Variants in PSMC6 observed in about 807,000 individuals in gnomAD.
PSMC6 encodes 26S proteasome regulatory subunit 10B.
PSMC6 carries 3 observed loss-of-function variants against 55.9 expected under a neutral mutation model. That is an observed-to-expected ratio of 0.05 (90% confidence interval 0.02 to 0.14). The LOEUF is 0.14. PSMC6 is among the 10% of genes least tolerant of loss of function. The pLI is 1.00. For synonymous variants in PSMC6, 137 were observed against 155.9 expected, an observed-to-expected ratio of 0.88 and a Z score of 0.90; for missense variants, 210 against 478.7, an observed-to-expected ratio of 0.44 and a Z score of 5.24.
chr14:52,727,231 G>A (rs10140532), intron 13 of PSMC6, among the ~76,000 whole-genome samples: 5,164 of 149,032 alleles, frequency 0.035, 304 homozygotes, highest in African/African-American at 0.12. Flanking sequence ...GGGTTTCACC[G>A]TGTTGGCCAG....
intron 1 of PSMC6, among the ~76,000 whole-genome samples, chr14:52,708,084 T>G (rs1039458866): frequency 2.0e-5 from 3 of 152,192 alleles, no homozygotes; most frequent in Non-Finnish European, 2.9e-5. Context: ...AAACAAGTAT[T>G]GCCGATCAAC....
intron 7 of PSMC6, 50 bp downstream of exon 7, chr14:52,714,018 A>G: frequency 8.6e-7 from 1 of 1,164,908 alleles, no homozygotes; most frequent in South Asian, 1.4e-5. Flanking sequence ...TGAATTAAGG[A>G]ATTAAAAAAA....
At chr14:52,712,178 A>G (rs1395636884) in intron 6 of PSMC6, among the ~76,000 whole-genome samples, 1 of 152,190 alleles carries the variant, frequency 6.6e-6, no homozygotes, top group Non-Finnish European at 1.5e-5. Flanking sequence ...ACACAATCTG[A>G]TTTAAGCTTT....
chr14:52,725,425 G>A lies in PSMC6; in HGVS notation c.1051+1389G>A, dbSNP rs117685363. ...TTTTTATCTTCTTTTTAGACTTGAA[G>A]GCTTTTTTGTTAACATTTTTCGTAA... On this transcript the variant is annotated intron_variant, in intron 13 of 13. Transcript: ENST00000445930. Among the ~76,000 whole-genome samples the A allele has an allele frequency of 8.2e-3, 1,245 of 152,248 alleles. 8 individuals are homozygous for A. Among genetic ancestry groups the A allele is most frequent in the Non-Finnish European group, 0.012 (846 of 68,012 alleles).
At chr14:52,726,241 C>A (rs1224092602) in intron 13 of PSMC6, among the ~76,000 whole-genome samples, 1 of 152,162 alleles carries the variant, frequency 6.6e-6, no homozygotes, top group East Asian at 1.9e-4. Context: ...GAAACTTTTA[C>A]CCCTTTGTCA....
chr14:52,713,487 T>C (rs971377898), intron 6 of PSMC6, among the ~76,000 whole-genome samples: 2 of 152,212 alleles, frequency 1.3e-5, no homozygotes, highest in African/African-American at 2.4e-5. Context: ...TATAGATCTT[T>C]TGAGTTGTGT....
intron 8 of PSMC6, 34 bp downstream of exon 8, chr14:52,718,176 T>G: frequency 6.2e-7 from 1 of 1,610,452 alleles, no homozygotes; most frequent in Non-Finnish European, 8.5e-7. Flanking sequence ...TTATTGAAAT[T>G]TAATTTTACT....
intron 5 of PSMC6, 116 bp from the exon 6 acceptor site, chr14:52,711,294 G>A (rs2041769519): frequency 1.6e-6 from 2 of 1,272,566 alleles, no homozygotes; most frequent in Non-Finnish European, 2.2e-6. Context: ...TTCTAATTAA[G>A]CACATCTTTA....
chr14:52,712,620 C>G (rs1271401118), intron 6 of PSMC6, among the ~76,000 whole-genome samples: 2 of 151,828 alleles, frequency 1.3e-5, no homozygotes, highest in Admixed American at 1.3e-4. Flanking sequence ...CACATATGGA[C>G]ACAACTTTTT....
chr14:52,710,995 C>T, intron 4 of PSMC6, 106 bp from the exon 5 acceptor site: 3 of 878,540 alleles, frequency 3.4e-6, no homozygotes, highest in South Asian at 1.4e-5. Context: ...TTTGTGTTCT[C>T]TCTGGAGGGT....
intron 4 of PSMC6, chr14:52,709,933 T>C (rs190522972): frequency 2.2e-3 from 353 of 162,306 alleles, no homozygotes; most frequent in Non-Finnish European, 3.8e-3. Flanking sequence ...GATGTAAACA[T>C]TGAAATAGCT....
At chr14:52,727,352 T>C in intron 13 of PSMC6, 147 bp from the exon 14 acceptor site, 1 of 596,120 alleles carries the variant, frequency 1.7e-6, no homozygotes, top group East Asian at 3.1e-5. Flanking sequence ...TGAAAAAAGA[T>C]AGTGGTTTTT....
At chr14:52,708,664 T>G in intron 3 of PSMC6, 100 bp from the exon 4 acceptor site, 1 of 1,565,120 alleles carries the variant, frequency 6.4e-7, no homozygotes, top group African/African-American at 1.4e-5. Flanking sequence ...AACTAATGTC[T>G]CCTTGGAGGA....
At chr14:52,726,524 G>GT (rs986272919) in intron 13 of PSMC6, among the ~76,000 whole-genome samples, 6 of 152,030 alleles carry the variant, frequency 3.9e-5, no homozygotes, top group African/African-American at 1.5e-4. Context: ...ATTGCTTCCT[G>GT]TCAAGTTAAG....
chr14:52,712,288 G>T (rs1566657267), intron 6 of PSMC6, among the ~76,000 whole-genome samples: 1 of 151,668 alleles, frequency 6.6e-6, no homozygotes, highest in East Asian at 2.0e-4. Flanking sequence ...ACTAGATTGG[G>T]GGTAGGCACA....
Position 52,727,478 on chromosome 14 carries a change from ATGT to A in PSMC6, c.1052-16_1052-14del, listed in dbSNP as rs754077072. 4.2e-5 allele frequency: 62 copies of A among 1,474,144 alleles called. No individual in the cohort carries two copies. The highest frequency in any genetic ancestry group is 2.1e-4 in the Middle Eastern group (1 of 4,860). The allele number at this position is 1,474,144 out of a possible 1,614,324, so 91.3% of individuals were successfully genotyped here. The stretch of plus-strand genomic sequence containing the variant: ...AATTCATATGTGATATATAGCAGTC[ATGT>A]TGTTTTATTCTCTACAGGTATGTTC... On this transcript the variant is annotated intron_variant, in intron 13 of 13. Transcript: ENST00000445930.
chr14:52,709,628 G>A (rs113530978), intron 4 of PSMC6: 7 of 454,844 alleles, frequency 1.5e-5, no homozygotes, highest in African/African-American at 2.0e-5. Context: ...GTTGCATGAG[G>A]ACAAGACTGT....
At chr14:52,725,707 G>A (rs181128024) in intron 13 of PSMC6, among the ~76,000 whole-genome samples, 2 of 152,270 alleles carry the variant, frequency 1.3e-5, no homozygotes, top group South Asian at 2.1e-4. Flanking sequence ...GTAGAGACGG[G>A]TTTCACCATG....
At chr14:52,713,815 A>C in intron 6 of PSMC6, 66 bp from the exon 7 acceptor site, 1 of 1,019,804 alleles carries the variant, frequency 9.8e-7, no homozygotes, top group Admixed American at 1.9e-5. Flanking sequence ...TATTTGACTT[A>C]GAGTATTTGA....
Sources: gnomAD v4.1 joint callset for allele counts (sites outside exome capture counted in the v4.1 genomes callset) on GRCh38, gnomAD v4.1.1 for gene constraint, MANE v1.5 for transcripts, NCBI Gene and HGNC (gene_info 2026-07-23, HGNC 2026-07-21) for gene names.